GNB1: variants seen among roughly 807,000 people sequenced by gnomAD.
GNB1 encodes G protein subunit beta 1.
A neutral mutation model predicts 42.9 loss-of-function variants in GNB1; 2 were observed. That is an observed-to-expected ratio of 0.05 (90% CI 0.02 to 0.15). The LOEUF (loss-of-function observed/expected upper bound fraction) is 0.15, where lower values mean the gene tolerates loss of function less well. Ranked by LOEUF, GNB1 falls within the 10% of genes least tolerant of loss-of-function variation. The pLI is 1.00. For synonymous variants in GNB1, 183 were observed against 174.7 expected (o/e 1.05, Z -0.38); for missense variants, 193 against 462.2 (o/e 0.42, Z 5.34).
At position 1,785,724 on chromosome 1, in the gene GNB1, G is replaced by A. The variant is rs1169935222; in HGVS notation, c.*1339C>T. ...GGGCCCTGAAGAATCCATATAGGAG[G>A]GCAGGCTCTTCACTCCCTCTCCCTC... is the stretch of plus-strand genomic sequence containing the variant. On this transcript the variant is annotated 3_prime_UTR_variant, in exon 12 of 12. Transcript: ENST00000378609. The A allele has an allele frequency of 2.3e-5, 8 of 345,896 alleles. No homozygotes were observed. The Admixed American group carries it at 3.3e-4, about 14-fold the overall frequency. 21.4% of individuals were successfully genotyped at this position (345,896 alleles called of 1,614,324 possible).
chr1:1,834,827 C>T (rs767204816), intron 2 of GNB1, among the ~76,000 whole-genome samples: 1 of 151,978 alleles, frequency 6.6e-6, no homozygotes, highest in Admixed American at 6.6e-5. Context: ...TGCCACTATG[C>T]CCTGCTAATT....
chr1:1,843,304 C>T (rs149344495), intron 1 of GNB1, among the ~76,000 whole-genome samples: 136 of 152,294 alleles, frequency 8.9e-4, no homozygotes, highest in African/African-American at 3.0e-3. Flanking sequence ...ACTGCAGCTT[C>T]GACTTCCTGG....
At chr1:1,800,026 A>G (rs1646603280) in intron 7 of GNB1, among the ~76,000 whole-genome samples, 3 of 152,234 alleles carry the variant, frequency 2.0e-5, no homozygotes, top group South Asian at 2.1e-4. Context: ...AGAAAGACAG[A>G]GATAGACTGC....
At chr1:1,820,263 C>T (rs1465678802) in intron 3 of GNB1, among the ~76,000 whole-genome samples, 1 of 147,342 alleles carries the variant, frequency 6.8e-6, no homozygotes, top group Non-Finnish European at 1.5e-5. Context: ...GAGGCTGAGG[C>T]AGGAGAATCG....
At chr1:1,791,137 G>A (rs1646475931) in intron 8 of GNB1, among the ~76,000 whole-genome samples, 1 of 152,002 alleles carries the variant, frequency 6.6e-6, no homozygotes, top group African/African-American at 2.4e-5. Context: ...ATCACAAACA[G>A]GAGAGCAGCT....
chr1:1,881,081 C>T (rs567535937), intron 1 of GNB1, among the ~76,000 whole-genome samples: 1 of 152,266 alleles, frequency 6.6e-6, no homozygotes, highest in African/African-American at 2.4e-5. Context: ...ATAAGGCCTG[C>T]CGTACCCTCG....
rs769592285 is a variant in GNB1 at position 1,787,449 on chromosome 1, C to G, written c.917-12G>C. On this transcript the variant is annotated splice_polypyrimidine_tract_variant and intron_variant, in intron 10 of 11. Coordinates refer to ENST00000378609, the MANE Select transcript of GNB1 (RefSeq NM_002074.5). The surrounding 1 kb of genome is among the most constrained non-coding windows in gnomAD (Gnocchi z 4.4). ...CCCAGCCAAGACACCTGGGAGCAAA[C>G]AACAGCAGAATCACACCAAAGCCCA... 13 of 1,547,530 alleles carry G rather than the reference C, an allele frequency of 8.4e-6. No homozygotes were observed. The highest frequency in any genetic ancestry group is 9.8e-6 in the Non-Finnish European group (11 of 1,119,944).
chr1:1,790,703 C>G lies in GNB1; in HGVS notation c.498-107G>C. On this transcript the variant is annotated intron_variant, in intron 8 of 11. Coordinates refer to ENST00000378609, the MANE Select transcript of GNB1 (RefSeq NM_002074.5). The surrounding 1 kb of genome is among the most constrained non-coding windows in gnomAD (Gnocchi z 5.4). ...AACCACCCAGGGCCACAGTGAGCCT[C>G]TGCACTGTTACTTTAAAAACGTAAA... 1 of 688,314 alleles carries G rather than the reference C, an allele frequency of 1.5e-6. No individual in the cohort carries two copies. The highest frequency in any genetic ancestry group is 1.7e-5 in the South Asian group (1 of 59,456). The allele number at this position is 688,314 out of a possible 1,614,324, so 42.6% of individuals were successfully genotyped here. A position where few individuals can be genotyped will look rare whatever the true frequency, so the allele number is the denominator to read the frequency against.
chr1:1,820,239 C>T (rs1036397810), intron 3 of GNB1, among the ~76,000 whole-genome samples: 1 of 150,910 alleles, frequency 6.6e-6, no homozygotes, highest in Non-Finnish European at 1.5e-5. Context: ...CACCTGTAAT[C>T]GTAACTATTT....
intron 1 of GNB1, among the ~76,000 whole-genome samples, chr1:1,842,290 C>A (rs993290537): frequency 1.3e-5 from 2 of 152,090 alleles, no homozygotes; most frequent in South Asian, 2.1e-4. Context: ...ATTAGCCGGG[C>A]ATGGTGGCGG....
chr1:1,870,762 C>CCA (rs1649203667), intron 1 of GNB1, among the ~76,000 whole-genome samples: 1 of 152,016 alleles, frequency 6.6e-6, no homozygotes, highest in Non-Finnish European at 1.5e-5. Context: ...GGGTGAAACC[C>CCA]CACCTCTACT....
Position 1,873,745 on chromosome 1 carries a change from G to A in GNB1, c.-96+17075C>T, listed in dbSNP as rs186075806. Among the ~76,000 whole-genome samples, 234 of 152,280 alleles carry A rather than the reference G, an allele frequency of 1.5e-3. 1 individual carries two copies. Among genetic ancestry groups the A allele is most frequent in the Non-Finnish European group, 2.7e-3 (186 of 68,018 alleles). On this transcript the variant is annotated intron_variant, in intron 1 of 11. Coordinates refer to ENST00000378609, the MANE Select transcript of GNB1 (RefSeq NM_002074.5). ...AGGCAGAAGAATTGCTTGAACCCCAGAGGCAGAGGTTACAGTGAGCCAAGA... is the reference window on the plus strand; with the variant it reads ...AGGCAGAAGAATTGCTTGAACCCCAAAGGCAGAGGTTACAGTGAGCCAAGA...
chr1:1,825,617 C>A (rs1463881790), intron 2 of GNB1, 118 bp from the exon 3 acceptor site: 1 of 641,858 alleles, frequency 1.6e-6, no homozygotes. Flanking sequence ...GTAATCCCAG[C>A]ACTTTGGGAG....
In GNB1 at chr1:1,812,011, A is replaced by G. The variant is rs551359412; in HGVS notation, c.203+3745T>C. 2.7e-3 allele frequency among the ~76,000 whole-genome samples: 416 copies of G among 152,002 alleles called. 3 individuals are homozygous for G. The highest frequency in any genetic ancestry group is 9.1e-3 in the African/African-American group (375 of 41,410). On this transcript the variant is annotated intron_variant, in intron 5 of 11. Transcript: ENST00000378609. ...AACCTGGGAGGCAGAGCTTGCAGTGAGCCGAGATCGCACCACTGCAGTCCA... is the reference window on the plus strand; with the variant it reads ...AACCTGGGAGGCAGAGCTTGCAGTGGGCCGAGATCGCACCACTGCAGTCCA...
chr1:1,817,743 G>T, intron 4 of GNB1, 94 bp downstream of exon 4: 1 of 816,148 alleles, frequency 1.2e-6, no homozygotes, highest in Non-Finnish European at 2.1e-6. Context: ...GCGCAACAGA[G>T]AATGCAAGCA....
chr1:1,854,886 C>T (rs987947731), intron 1 of GNB1, among the ~76,000 whole-genome samples: 2 of 152,032 alleles, frequency 1.3e-5, no homozygotes, highest in African/African-American at 4.8e-5. Flanking sequence ...TACATCCGGG[C>T]GTGGTGGCTC....
chr1:1,853,971 T>C (rs1648125104), intron 1 of GNB1, among the ~76,000 whole-genome samples: 1 of 152,184 alleles, frequency 6.6e-6, no homozygotes, highest in Non-Finnish European at 1.5e-5. Flanking sequence ...TCTGGGTTCG[T>C]ATTTGTATGG....
chr1:1,814,411 C>A lies in GNB1; in HGVS notation c.203+1345G>T, dbSNP rs548599017. ...TATTAAATTATTTAGATAGAACAGGCACCAAATAAGACTTTGTAATAGCCT... is the reference window on the plus strand; with the variant it reads ...TATTAAATTATTTAGATAGAACAGGAACCAAATAAGACTTTGTAATAGCCT... On this transcript the variant is annotated intron_variant, in intron 5 of 11. Transcript: ENST00000378609. 2.4e-3 allele frequency among the ~76,000 whole-genome samples: 370 copies of A among 152,252 alleles called. 10 individuals carry two copies. Among genetic ancestry groups the A allele is most frequent in the East Asian group, 0.018 (93 of 5,182 alleles).
chr1:1,821,386 C>A (rs866187427), intron 3 of GNB1, among the ~76,000 whole-genome samples: 6 of 152,144 alleles, frequency 3.9e-5, no homozygotes, highest in Non-Finnish European at 8.8e-5. Flanking sequence ...CAATAATAAT[C>A]AAAAGGAGCA....
Sources: gnomAD v4.1 joint callset for allele counts (sites outside exome capture counted in the v4.1 genomes callset) on GRCh38, gnomAD v4.1.1 for gene constraint, Gnocchi (gnomAD v3.1) non-coding constraint, MANE v1.5 for transcripts, NCBI Gene and HGNC (gene_info 2026-07-23, HGNC 2026-07-21) for gene names.